The following WDR89 variants were observed in gnomAD, a reference collection of about 807,000 sequenced individuals.
The protein encoded by WDR89 is WD repeat domain 89, also known as WD repeat-containing protein 89.
WDR89 carries 17 observed loss-of-function variants against 29.1 expected under a neutral mutation model. The ratio of observed to expected loss-of-function variants is 0.58; its 90% CI spans 0.40 to 0.88. The LOEUF (loss-of-function observed/expected upper bound fraction) is 0.88. WDR89 is among the 40% of genes least tolerant of loss of function. The pLI is 0.00. For missense variants in WDR89, 396 were observed against 456.3 expected (o/e 0.87, Z 1.20); for synonymous variants, 138 against 157.8 (o/e 0.87, Z 0.94).
chr14:63,638,182 TAATCCACCCG>T, intron 1 of WDR89, among the ~76,000 whole-genome samples: 1 of 152,166 alleles, frequency 6.6e-6, no homozygotes, highest in Middle Eastern at 3.4e-3. Context: ...TGACCTCAGG[TAATCCACCCG>T]CCTCGGCCTC....
chr14:63,624,928 C>A lies in WDR89; in HGVS notation c.-32G>T, dbSNP rs932339341. The A allele has an allele frequency of 6.6e-6, 1 of 151,784 alleles. No homozygotes were observed. The highest frequency in any genetic ancestry group is 1.5e-5 in the Non-Finnish European group (1 of 67,936). 9.4% of individuals were successfully genotyped at this position (151,784 alleles called of 1,614,324 possible). ...GTTTAAAAGTTAAATACATACTTAC[C>A]CAGCAAGCCCACTTTTAGGTATTTA... On this transcript the variant is annotated splice_region_variant and 5_prime_UTR_variant, in exon 2 of 3. Transcript: ENST00000620954.
intron 1 of WDR89, 52 bp downstream of exon 1, chr14:63,641,752 G>A (rs1162625535): frequency 1.3e-5 from 2 of 152,684 alleles, no homozygotes; most frequent in Admixed American, 1.3e-4. Flanking sequence ...GCCGCTCGTC[G>A]AGAGGGCTGC....
intron 2 of WDR89, among the ~76,000 whole-genome samples, chr14:63,611,335 CAAAAAAAAAAA>C (rs769975882): frequency 4.4e-5 from 1 of 22,920 alleles, no homozygotes; most frequent in African/African-American, 1.2e-4. Flanking sequence ...GGCCCTGTCG[CAAAAAAAAAAA>C]AAAAAAAAAA....
rs776532540 is a variant in WDR89 at position 63,598,728 on chromosome 14, A to G, written c.*51T>C. 7 of 1,470,530 alleles carry G rather than the reference A, an allele frequency of 4.8e-6. No homozygotes were observed. In the Admixed American group the frequency reaches 1.2e-4, roughly 25 times the overall value. 91.1% of individuals were successfully genotyped at this position (1,470,530 alleles called of 1,614,324 possible). On this transcript the variant is annotated 3_prime_UTR_variant, in exon 3 of 3. Coordinates refer to ENST00000620954, the MANE Select transcript of WDR89 (RefSeq NM_080666.4). ...ATGTCTACCATGGGTAGTAAACAAG[A>G]AGGACTATTTGAAACTATAAAACCT... is the stretch of plus-strand genomic sequence containing the variant.
intron 2 of WDR89, among the ~76,000 whole-genome samples, chr14:63,623,277 AGT>A (rs1882821534): frequency 1.3e-5 from 2 of 152,014 alleles, no homozygotes; most frequent in Admixed American, 1.3e-4. Flanking sequence ...AATATTAAAC[AGT>A]AAATTCACAA....
At chr14:63,630,854 C>T (rs1161457713) in intron 1 of WDR89, 1 of 150,750 alleles carries the variant, frequency 6.6e-6, no homozygotes, top group Non-Finnish European at 1.5e-5. Flanking sequence ...AGTGTAGTGG[C>T]ACAAACACAG....
chr14:63,624,792 A>T (rs1882926341), intron 2 of WDR89, 136 bp downstream of exon 2: 3 of 152,202 alleles, frequency 2.0e-5, no homozygotes, highest in Non-Finnish European at 4.4e-5. Context: ...AATGCCTACA[A>T]TTAAAAAGAA....
At chr14:63,637,824 T>A (rs1398781625) in intron 1 of WDR89, among the ~76,000 whole-genome samples, 1 of 152,020 alleles carries the variant, frequency 6.6e-6, no homozygotes, top group East Asian at 1.9e-4. Context: ...GGCAAGGGAT[T>A]AAAAGACTAC....
intron 2 of WDR89, among the ~76,000 whole-genome samples, chr14:63,610,081 G>A (rs1463937436): frequency 6.6e-6 from 1 of 151,906 alleles, no homozygotes; most frequent in Non-Finnish European, 1.5e-5. Context: ...TCATCTGAGT[G>A]CAGTGGCTCA....
intron 2 of WDR89, among the ~76,000 whole-genome samples, chr14:63,602,827 G>T (rs12323705): frequency 6.6e-6 from 1 of 151,514 alleles, no homozygotes; most frequent in Non-Finnish European, 1.5e-5. Flanking sequence ...ATATAAGGGA[G>T]AATTTGGATC....
At chr14:63,601,544 T>C in intron 2 of WDR89, 1 of 1,575,688 alleles carries the variant, frequency 6.3e-7, no homozygotes, top group East Asian at 2.2e-5. Flanking sequence ...TTCCACTCTT[T>C]GACCGAGTAT....
At chr14:63,633,805 C>G (rs1433509740) in intron 1 of WDR89, among the ~76,000 whole-genome samples, 1 of 152,006 alleles carries the variant, frequency 6.6e-6, no homozygotes, top group African/African-American at 2.4e-5. Flanking sequence ...TTGAACTATC[C>G]AGAAAAAAAC....
chr14:63,610,784 C>G (rs1881929979), intron 2 of WDR89, among the ~76,000 whole-genome samples: 1 of 149,512 alleles, frequency 6.7e-6, no homozygotes, highest in Non-Finnish European at 1.5e-5. Context: ...CTCACTGCAA[C>G]CTCCACCTCC....
At chr14:63,630,167 C>T (rs573176458) in intron 1 of WDR89, among the ~76,000 whole-genome samples, 19 of 150,934 alleles carry the variant, frequency 1.3e-4, no homozygotes, top group Admixed American at 1.1e-3. Flanking sequence ...AGGCTGGTCT[C>T]GAACTCCTGA....
intron 1 of WDR89, among the ~76,000 whole-genome samples, chr14:63,639,930 T>C (rs925660937): frequency 7.9e-5 from 12 of 152,148 alleles, no homozygotes; most frequent in Non-Finnish European, 1.6e-4. Context: ...TGCAGTGAGC[T>C]AAGACTGTGC....
chr14:63,620,914 A>T (rs913106420), intron 2 of WDR89, among the ~76,000 whole-genome samples: 1 of 141,392 alleles, frequency 7.1e-6, no homozygotes, highest in Admixed American at 6.8e-5. Flanking sequence ...AAAAAAAAAA[A>T]TTGCCAAGAG....
intron 1 of WDR89, 71 bp downstream of exon 1, chr14:63,641,733 C>T (rs1181938046): frequency 1.3e-5 from 2 of 152,826 alleles, no homozygotes; most frequent in Admixed American, 1.3e-4. Context: ...TAGACTCAAC[C>T]ACGGCGTCGC....
intron 2 of WDR89, among the ~76,000 whole-genome samples, chr14:63,605,894 A>G (rs1895299936): frequency 6.6e-6 from 1 of 152,218 alleles, no homozygotes; most frequent in South Asian, 2.1e-4. Context: ...TGACAACTCC[A>G]TGTGTTATTG....
intron 1 of WDR89, among the ~76,000 whole-genome samples, chr14:63,640,918 T>C (rs1376440510): frequency 2.0e-5 from 3 of 148,664 alleles, no homozygotes; most frequent in Non-Finnish European, 4.5e-5. Context: ...ACCAGTATGG[T>C]GAAATCCCGT....
Sources: allele counts gnomAD v4.1 joint callset (sites outside exome capture counted in the v4.1 genomes callset), GRCh38; gene constraint gnomAD v4.1.1; transcripts MANE v1.5; gene names NCBI Gene and HGNC (gene_info 2026-07-23, HGNC 2026-07-21).